The following SNRPN variants were observed in gnomAD, a reference collection of about 807,000 sequenced individuals.
The protein encoded by SNRPN is small nuclear ribonucleoprotein polypeptide N.
SNRPN carries 7 observed loss-of-function variants against 25.2 expected under a neutral mutation model. The observed-to-expected ratio is 0.28, with a 90% CI of 0.16 to 0.52. The LOEUF (loss-of-function observed/expected upper bound fraction) is 0.52, where lower values mean the gene tolerates loss of function less well. SNRPN is among the 20% of genes least tolerant of loss of function. The probability of loss-of-function intolerance (pLI) is 0.96; values close to 1 mark genes in which losing one functional copy is unlikely to be tolerated. For synonymous variants in SNRPN, 124 were observed against 110.6 expected (o/e 1.12, Z -0.76); for missense variants, 196 against 322.5 (o/e 0.61, Z 3.00).
At chr15:24,832,170 G>T (rs2050586926) in intron 2 of SNRPN, among the ~76,000 whole-genome samples, 1 of 149,800 alleles carries the variant, frequency 6.7e-6, no homozygotes, top group Non-Finnish European at 1.5e-5. Context: ...ACTAACTTTT[G>T]TCTTTTAAAA....
chr15:24,939,755 T>TG (rs1429438335), intron 3 of SNRPN, among the ~76,000 whole-genome samples: 9 of 150,920 alleles, frequency 6.0e-5, no homozygotes, highest in East Asian at 2.0e-4. Context: ...AAATCAGGTT[T>TG]TTTTTTTTTT....
intron 7 of SNRPN, among the ~76,000 whole-genome samples, chr15:24,977,434 T>G (rs1388464281): frequency 2.6e-5 from 4 of 151,924 alleles, no homozygotes; most frequent in African/African-American, 9.7e-5. Context: ...AGGTCAGGAG[T>G]TCGACACCAG....
chr15:24,900,203 C>T (rs1218083742), intron 2 of SNRPN, among the ~76,000 whole-genome samples: 1 of 152,124 alleles, frequency 6.6e-6, no homozygotes, highest in Non-Finnish European at 1.5e-5. Flanking sequence ...TGATTACGAA[C>T]AGAAAATAAC....
chr15:24,974,632 T>C (rs1461315496), intron 4 of SNRPN, 176 bp downstream of exon 4: 1 of 689,478 alleles, frequency 1.5e-6, no homozygotes, highest in Non-Finnish European at 2.6e-6. Context: ...TTTATTTTTA[T>C]TTTTTTCAGA....
intron 2 of SNRPN, among the ~76,000 whole-genome samples, chr15:24,831,746 A>T (rs8028366): frequency 0.21 from 32,641 of 151,910 alleles, 3,907 homozygotes; most frequent in African/African-American, 0.31. Flanking sequence ...TCTTCCCGGC[A>T]TATTTCATTT....
At chr15:24,916,518 G>T (rs1005442728) in intron 2 of SNRPN, among the ~76,000 whole-genome samples, 9 of 151,720 alleles carry the variant, frequency 5.9e-5, no homozygotes, top group Admixed American at 2.0e-4. Context: ...CTGCAACACT[G>T]CACTCCAGCC....
intron 1 of SNRPN, among the ~76,000 whole-genome samples, chr15:24,955,344 G>A (rs1425887039): frequency 1.3e-5 from 2 of 151,986 alleles, no homozygotes; most frequent in Non-Finnish European, 2.9e-5. Context: ...TGGGAAGGGC[G>A]GTGGTGACTG....
rs879473463 is a variant in SNRPN, at chr15:24,955,026, T to C, written c.-427T>C. On this transcript the variant is annotated 5_prime_UTR_variant, in exon 1 of 10. Coordinates refer to ENST00000390687, the MANE Select transcript of SNRPN (RefSeq NM_003097.6). Reference sequence around the variant, plus strand: ...CCGCCGGAGATGCCTGACGCATCTGTCTGAGGAGCGGTCAGTGACGCGATG... The same window carrying C: ...CCGCCGGAGATGCCTGACGCATCTGCCTGAGGAGCGGTCAGTGACGCGATG... 5 of 1,612,844 alleles carry C rather than the reference T, an allele frequency of 3.1e-6. No individual in the cohort carries two copies. Among genetic ancestry groups the C allele is most frequent in the Non-Finnish European group, 3.4e-6 (4 of 1,179,946 alleles).
At chr15:24,881,973 A>G (rs951651) in intron 1 of SNRPN, among the ~76,000 whole-genome samples, 17,775 of 152,170 alleles carry the variant, frequency 0.12, 1,333 homozygotes, top group Middle Eastern at 0.18. Context: ...TGGGTTTTCA[A>G]CTGACAGCCT....
rs933241748 is a variant in SNRPN at position 24,838,628 on chromosome 15, T to A, written c.-579+8723T>A. Among the ~76,000 whole-genome samples, 7 of 151,970 alleles carry A rather than the reference T, an allele frequency of 4.6e-5. No homozygotes were observed. The South Asian group carries it at 1.5e-3, about 32-fold the overall frequency. Reference sequence around the variant, plus strand: ...GATTGGATTGAGCTGGTGTAGCCAGTTTGTCTGTCCCTGTGCTGAGGTTAC... The same window carrying A: ...GATTGGATTGAGCTGGTGTAGCCAGATTGTCTGTCCCTGTGCTGAGGTTAC... On this transcript the variant is annotated intron_variant, in intron 2 of 12. Coordinates refer to the SNRPN transcript ENST00000400100.
chr15:24,954,208 A>G (rs2062501096), upstream of SNRPN, among the ~76,000 whole-genome samples: 1 of 152,178 alleles, frequency 6.6e-6, no homozygotes, highest in African/African-American at 2.4e-5. Context: ...GTCCATTAGT[A>G]TTATATAAAA....
intron 1 of SNRPN, among the ~76,000 whole-genome samples, chr15:24,828,358 A>G (rs2141211714): frequency 6.6e-6 from 1 of 152,234 alleles, no homozygotes; most frequent in African/African-American, 2.4e-5. Context: ...GTGACAACAG[A>G]AGATTTTATT....
At chr15:24,824,282 G>C (rs34535284) in intron 1 of SNRPN, among the ~76,000 whole-genome samples, 1 of 152,006 alleles carries the variant, frequency 6.6e-6, no homozygotes, top group African/African-American at 2.4e-5. Flanking sequence ...AATTTGTGTA[G>C]ACAGAACACT....
In SNRPN at chr15:24,936,159, C is replaced by T. The variant is rs573301660; in HGVS notation, c.-391+16035C>T. ...GTTATTTCTCCCTTTTGCACCTAAT[C>T]TCCCACTGAAGATGACTGCAACTTT... On this transcript the variant is annotated intron_variant, in intron 3 of 11. Transcript: ENST00000400097. Among the ~76,000 whole-genome samples the T allele has an allele frequency of 2.6e-5, 4 of 152,046 alleles. No homozygotes were observed. In the East Asian group the frequency reaches 7.7e-4, roughly 29 times the overall value.
chr15:24,829,064 AT>A (rs2050303925), intron 1 of SNRPN, among the ~76,000 whole-genome samples: 1 of 152,154 alleles, frequency 6.6e-6, no homozygotes, highest in South Asian at 2.1e-4. Context: ...GCAGAAAAGA[AT>A]ATAGGTGAGG....
At chr15:24,909,630 C>CA in intron 2 of SNRPN, 1 of 1,221,540 alleles carries the variant, frequency 8.2e-7, no homozygotes, top group South Asian at 1.2e-5. Context: ...TGGGCATAAG[C>CA]AATCTGACAA....
intron 2 of SNRPN, among the ~76,000 whole-genome samples, chr15:24,904,225 G>A (rs896826638): frequency 6.6e-6 from 1 of 152,144 alleles, no homozygotes; most frequent in African/African-American, 2.4e-5. Context: ...AGGGAAGCCT[G>A]GCCCCGTAAC....
rs375871492 is a variant in SNRPN at position 24,905,578 on chromosome 15, G to C, written c.-504-14433G>C. On this transcript the variant is annotated intron_variant, in intron 2 of 11. Transcript: ENST00000400097. The stretch of plus-strand genomic sequence containing the variant: ...AGTCAATTTTTTTTGTTGTCGATGA[G>C]TTGCGTTTTGTTCATTAAGAATCAG... 3.6e-4 allele frequency among the ~76,000 whole-genome samples: 55 copies of C among 151,968 alleles called. No homozygotes were observed. The South Asian group carries it at 0.011, about 30-fold the overall frequency.
chr15:24,855,898 C>T (rs2053340595), upstream of SNRPN, among the ~76,000 whole-genome samples: 1 of 151,624 alleles, frequency 6.6e-6, no homozygotes, highest in Non-Finnish European at 1.5e-5. Flanking sequence ...TAAGATCCAC[C>T]TAGGAATGAT....
Sources: gnomAD v4.1 joint callset for allele counts (sites outside exome capture counted in the v4.1 genomes callset) on GRCh38, gnomAD v4.1.1 for gene constraint, MANE v1.5 for transcripts, NCBI Gene and HGNC (gene_info 2026-07-23, HGNC 2026-07-21) for gene names.